Variants in ATP8A2 observed in about 807,000 individuals in gnomAD.
ATP8A2 encodes the protein phospholipid-transporting ATPase IB.
In ATP8A2, 100 loss-of-function variants were observed where a neutral mutation model predicts 165.6. The observed-to-expected ratio is 0.60, with a 90% CI of 0.51 to 0.71. The LOEUF is 0.71. ATP8A2 is among the 30% of genes least tolerant of loss of function. ATP8A2 has a pLI of 0.00. For synonymous variants in ATP8A2, 543 were observed against 548.8 expected (o/e 0.99, Z 0.15); for missense variants, 1,227 against 1,479.5 (o/e 0.83, Z 2.80).
At chr13:25,948,569 C>A (rs1009673460) in intron 33 of ATP8A2, among the ~76,000 whole-genome samples, 4 of 152,164 alleles carry the variant, frequency 2.6e-5, no homozygotes, top group African/African-American at 9.7e-5. Context: ...CTTCAAATCC[C>A]AGAGTTGCAG....
At chr13:25,696,680 G>C (rs189232687) in intron 24 of ATP8A2, among the ~76,000 whole-genome samples, 351 of 152,326 alleles carry the variant, frequency 2.3e-3, no homozygotes, top group African/African-American at 8.3e-3. Context: ...AAAAGAGTTA[G>C]GGTCTTGCTC....
chr13:25,808,152 CAG>C (rs1210442822), intron 27 of ATP8A2, among the ~76,000 whole-genome samples: 1 of 147,586 alleles, frequency 6.8e-6, no homozygotes. Flanking sequence ...TTTTTTGAGA[CAG>C]GGTCTTGCTG....
Position 25,465,663 on chromosome 13 carries a change from TTTTCTTTCTTTC to T in ATP8A2, c.77-3249_77-3238del, listed in dbSNP as rs1174243477. ...TCACCTCCCCAGAAATCTTGCAGAGTTTTCTTTCTTTCTTTCTTTCTTTCTTTCTTTCTTTCT... is the reference window on the plus strand; with the variant it reads ...TCACCTCCCCAGAAATCTTGCAGAGTTTTCTTTCTTTCTTTCTTTCTTTCT... On this transcript the variant is annotated intron_variant, in intron 1 of 36. Coordinates refer to ENST00000381655, the MANE Select transcript of ATP8A2 (RefSeq NM_016529.6). Among the ~76,000 whole-genome samples, 280 of 86,422 alleles carry T rather than the reference TTTTCTTTCTTTC, an allele frequency of 3.2e-3. 13 individuals carry two copies. The highest frequency in any genetic ancestry group is 0.011 in the African/African-American group (237 of 21,534). The allele number at this position is 86,422 out of a possible 152,430, so 56.7% of individuals were successfully genotyped here. A position where few individuals can be genotyped will look rare whatever the true frequency, so the allele number is the denominator to read the frequency against.
intron 30 of ATP8A2, among the ~76,000 whole-genome samples, chr13:25,852,965 C>T (rs1452685310): frequency 6.6e-6 from 1 of 152,074 alleles, no homozygotes; most frequent in Non-Finnish European, 1.5e-5. Flanking sequence ...TTTGACTTCT[C>T]TTTGCTGCAC....
chr13:25,883,680 G>A (rs989020455), intron 33 of ATP8A2, among the ~76,000 whole-genome samples: 1 of 152,194 alleles, frequency 6.6e-6, no homozygotes, highest in Admixed American at 6.5e-5. Flanking sequence ...AGTGGAGAAC[G>A]CTTGTCCCCT....
At position 25,526,439 on chromosome 13, in the gene ATP8A2, T is replaced by C. The variant is rs903563077; in HGVS notation, c.222-3560T>C. ...TCTGTCTGGATTCTTTTGCTTTTCATTGGATATATTTGCTTAAGAGATTCA... is the reference window on the plus strand; with the variant it reads ...TCTGTCTGGATTCTTTTGCTTTTCACTGGATATATTTGCTTAAGAGATTCA... On this transcript the variant is annotated intron_variant, in intron 2 of 36. Transcript: ENST00000381655. Among the ~76,000 whole-genome samples, 8 of 152,214 alleles carry C rather than the reference T, an allele frequency of 5.3e-5. No individual in the cohort carries two copies. The South Asian group carries it at 6.2e-4, about 12-fold the overall frequency.
At position 25,860,794 on chromosome 13, in the gene ATP8A2, A is replaced by G; in HGVS notation, c.3019-10A>G. On this transcript the variant is annotated splice_polypyrimidine_tract_variant and intron_variant, in intron 31 of 36. Transcript: ENST00000381655. ...ATAATGTGTTTCCAAACTGTCTTTT[A>G]TTTTCACAGTATGTTGTTGTTACTG... is the stretch of plus-strand genomic sequence containing the variant. 6.3e-7 allele frequency: 1 copy of G among 1,587,300 alleles called. No individual in the cohort carries two copies. Among genetic ancestry groups the G allele is most frequent in the East Asian group, 2.2e-5 (1 of 44,594 alleles).
intron 5 of ATP8A2, among the ~76,000 whole-genome samples, chr13:25,532,971 G>GA (rs1566232521): frequency 1.1e-4 from 17 of 151,926 alleles, no homozygotes. Context: ...CAGCTGTTCA[G>GA]TTTTTTTTAA....
intron 24 of ATP8A2, among the ~76,000 whole-genome samples, chr13:25,678,120 G>A (rs998660974): frequency 1.3e-5 from 2 of 152,174 alleles, no homozygotes; most frequent in African/African-American, 4.8e-5. Context: ...GGTGGTTCTT[G>A]ATGACAAGAA....
chr13:25,745,306 C>T (rs1335095580), intron 25 of ATP8A2, among the ~76,000 whole-genome samples: 2 of 152,186 alleles, frequency 1.3e-5, no homozygotes, highest in African/African-American at 4.8e-5. Context: ...GCATAGAACT[C>T]AGCTTGCTCC....
At chr13:25,493,455 GT>G (rs554159801) in intron 2 of ATP8A2, among the ~76,000 whole-genome samples, 278 of 152,180 alleles carry the variant, frequency 1.8e-3, no homozygotes, top group Non-Finnish European at 3.2e-3. Context: ...GGCATTTTTT[GT>G]TTTATGCTTT....
intron 25 of ATP8A2, among the ~76,000 whole-genome samples, chr13:25,710,332 GT>G: frequency 6.6e-6 from 1 of 152,040 alleles, no homozygotes; most frequent in African/African-American, 2.4e-5. Flanking sequence ...TTAACTATAG[GT>G]GTCCTGTTGT....
chr13:25,968,599 A>G lies in ATP8A2; in HGVS notation c.3297A>G (p.Thr1099=), dbSNP rs1220418349. 1.2e-6 allele frequency: 2 copies of G among 1,613,842 alleles called. No homozygotes were observed. Among genetic ancestry groups the G allele is most frequent in the Admixed American group, 1.7e-5 (1 of 60,006 alleles). The change falls in exon 35 of 37, where the codon ACA becomes ACG. Residue 1099 remains threonine (T), a synonymous_variant. Coordinates refer to ENST00000381655, the MANE Select transcript of ATP8A2 (RefSeq NM_016529.6). ...GAGCCAAGCACACCTGCAAAAAGAC[A>G]TTGCTGGAGGAGGTGCAGGAGCTGG... ...WRAAKHTCKK[T]LLEEVQELET...
chr13:25,990,100 A>G (rs1430536797), intron 35 of ATP8A2, among the ~76,000 whole-genome samples: 3 of 152,164 alleles, frequency 2.0e-5, no homozygotes. Flanking sequence ...GGCAGGAGAA[A>G]GGCCTTGTGG....
At chr13:25,833,492 T>C in intron 28 of ATP8A2, among the ~76,000 whole-genome samples, 1 of 152,160 alleles carries the variant, frequency 6.6e-6, no homozygotes, top group East Asian at 1.9e-4. Flanking sequence ...ACCAAATCAC[T>C]GTTATTGACA....
chr13:25,377,864 A>G (rs569326067), intron 1 of ATP8A2, among the ~76,000 whole-genome samples: 1 of 152,248 alleles, frequency 6.6e-6, no homozygotes, highest in Admixed American at 6.5e-5. Context: ...CACGTGTGTA[A>G]TCTCAGCACT....
chr13:25,443,004 CCT>C (rs2034974151), intron 1 of ATP8A2, among the ~76,000 whole-genome samples: 2 of 152,068 alleles, frequency 1.3e-5, no homozygotes, highest in South Asian at 2.1e-4. Context: ...TTGCCTTTTT[CCT>C]CTGTTTATAG....
At chr13:25,870,618 A>T (rs980645019) in intron 33 of ATP8A2, among the ~76,000 whole-genome samples, 3 of 152,206 alleles carry the variant, frequency 2.0e-5, no homozygotes, top group Non-Finnish European at 4.4e-5. Context: ...TGAGGCTTAG[A>T]GAGAAAGGAT....
chr13:25,604,990 G>T (rs1188758423), intron 24 of ATP8A2, among the ~76,000 whole-genome samples: 1 of 152,198 alleles, frequency 6.6e-6, no homozygotes, highest in East Asian at 1.9e-4. Context: ...CTTTCTAAGT[G>T]AAGAAAATCA....
Sources: allele counts gnomAD v4.1 joint callset (sites outside exome capture counted in the v4.1 genomes callset), GRCh38; gene constraint gnomAD v4.1.1; transcripts MANE v1.5; gene names NCBI Gene and HGNC (gene_info 2026-07-23, HGNC 2026-07-21).